The following NBAS variants were observed in gnomAD, a reference collection of about 807,000 sequenced individuals.
The protein encoded by NBAS is NAG/BC035112 fusion.
A neutral mutation model predicts 302.5 loss-of-function variants in NBAS; 219 were observed. The ratio of observed to expected loss-of-function variants is 0.72; its 90% confidence interval spans 0.65 to 0.81. The LOEUF (loss-of-function observed/expected upper bound fraction) is 0.81, where lower values mean the gene tolerates loss of function less well. Ranked by LOEUF, NBAS falls within the 30% of genes least tolerant of loss-of-function variation. The pLI, the probability that NBAS is intolerant of heterozygous loss-of-function variation, is 0.00. For missense variants in NBAS, 2,932 were observed against 2,841.6 expected, an observed-to-expected ratio of 1.03 and a Z score of -0.72; for synonymous variants, 1,118 against 1,021.6, an observed-to-expected ratio of 1.09 and a Z score of -1.80.
At chr2:15,477,184 T>G (rs149587285) in intron 13 of NBAS, among the ~76,000 whole-genome samples, 1 of 152,238 alleles carries the variant, frequency 6.6e-6, no homozygotes, top group Non-Finnish European at 1.5e-5. Context: ...TGGATGATTA[T>G]TTAAAGCGAA....
intron 44 of NBAS, among the ~76,000 whole-genome samples, chr2:15,260,856 A>G (rs998805277): frequency 2.0e-5 from 3 of 152,218 alleles, no homozygotes; most frequent in Non-Finnish European, 4.4e-5. Flanking sequence ...CTGAAAGCAA[A>G]CAAAAATGTC....
chr2:15,105,582 T>C, the NBAS span, among the ~76,000 whole-genome samples: 1 of 152,150 alleles, frequency 6.6e-6, no homozygotes, highest in African/African-American at 2.4e-5. Context: ...AAGTCATTGT[T>C]TGACATTGTG....
chr2:15,334,196 C>CT (rs11332266), intron 35 of NBAS, among the ~76,000 whole-genome samples: 24 of 147,274 alleles, frequency 1.6e-4, no homozygotes, highest in East Asian at 7.9e-4. Context: ...TTTTTCTTTT[C>CT]TTTTTTTTTT....
intron 42 of NBAS, among the ~76,000 whole-genome samples, chr2:15,282,225 CCTCT>C (rs1204437085): frequency 6.6e-6 from 1 of 151,932 alleles, no homozygotes; most frequent in Non-Finnish European, 1.5e-5. Context: ...TTAGATGCTC[CCTCT>C]CTCTCTATTA....
chr2:15,215,945 T>C (rs748627009), intron 48 of NBAS, among the ~76,000 whole-genome samples: 7 of 152,214 alleles, frequency 4.6e-5, no homozygotes, highest in Admixed American at 2.0e-4. Context: ...ATTTAAACTA[T>C]GGGCATAGTT....
chr2:15,427,581 T>C, intron 22 of NBAS, 130 bp downstream of exon 22: 2 of 762,338 alleles, frequency 2.6e-6, no homozygotes, highest in East Asian at 5.4e-5. Context: ...AGTTTAAAAC[T>C]TCACTCAAAC....
chr2:15,077,513 G>A, the NBAS span, among the ~76,000 whole-genome samples: 5,291 of 152,186 alleles, frequency 0.035, 316 homozygotes, highest in African/African-American at 0.12. Flanking sequence ...GCTTTCCATC[G>A]AAGAGATTAT....
At chr2:15,503,849 A>C (rs1661702206) in intron 11 of NBAS, among the ~76,000 whole-genome samples, 1 of 152,190 alleles carries the variant, frequency 6.6e-6, no homozygotes. Context: ...AAATTCAAAG[A>C]TATGTATATA....
At chr2:15,000,196 C>G in the NBAS span, among the ~76,000 whole-genome samples, 1 of 152,136 alleles carries the variant, frequency 6.6e-6, no homozygotes, top group Non-Finnish European at 1.5e-5. Flanking sequence ...TCTCACTGGG[C>G]TGGGATCAAA....
At chr2:15,232,375 C>A in intron 47 of NBAS, 47 bp downstream of exon 47, 2 of 1,560,060 alleles carry the variant, frequency 1.3e-6, no homozygotes, top group Admixed American at 1.7e-5. Context: ...TTCTAATACT[C>A]TGAGGAAAGC....
At chr2:15,183,041 A>C (rs13399626) in intron 50 of NBAS, among the ~76,000 whole-genome samples, 45,935 of 151,964 alleles carry the variant, frequency 0.3, 7,469 homozygotes, top group African/African-American at 0.43. Flanking sequence ...AAAGGTATTG[A>C]ATTTAGGAAA....
chr2:14,856,034 A>T, the NBAS span, among the ~76,000 whole-genome samples: 1 of 152,214 alleles, frequency 6.6e-6, no homozygotes, highest in African/African-American at 2.4e-5. Flanking sequence ...AGAAATGCTT[A>T]TATCACTTCA....
chr2:15,050,945 G>T, the NBAS span, among the ~76,000 whole-genome samples: 1 of 152,158 alleles, frequency 6.6e-6, no homozygotes, highest in East Asian at 1.9e-4. Context: ...TGACTGCCCA[G>T]CCCTGGTTTT....
the NBAS span, among the ~76,000 whole-genome samples, chr2:15,097,131 A>G: frequency 1.3e-5 from 2 of 152,064 alleles, no homozygotes; most frequent in Admixed American, 6.6e-5. Flanking sequence ...GAGCTGAGGT[A>G]TTTATGTAGC....
the NBAS span, among the ~76,000 whole-genome samples, chr2:14,909,391 A>C: frequency 6.9e-6 from 1 of 145,078 alleles, no homozygotes; most frequent in Non-Finnish European, 1.5e-5. Flanking sequence ...AAAAAAAAAG[A>C]TTTCCCACAT....
chr2:15,203,882 G>GCT (rs1666005591), intron 48 of NBAS, among the ~76,000 whole-genome samples: 12 of 124,930 alleles, frequency 9.6e-5, no homozygotes, highest in Middle Eastern at 4.2e-3. Context: ...GTGTGTGTGT[G>GCT]TGTGTGCTTG....
At chr2:14,992,712 T>C in the NBAS span, among the ~76,000 whole-genome samples, 3 of 152,180 alleles carry the variant, frequency 2.0e-5, no homozygotes, top group African/African-American at 7.2e-5. Flanking sequence ...GTGTCCTTCA[T>C]CCCTCATCCA....
At chr2:14,937,673 G>T in the NBAS span, among the ~76,000 whole-genome samples, 1 of 152,176 alleles carries the variant, frequency 6.6e-6, no homozygotes, top group East Asian at 1.9e-4. Flanking sequence ...GTGTCAGGAT[G>T]TTGCATTCCC....
At chr2:14,951,264 C>T in the NBAS span, among the ~76,000 whole-genome samples, 6 of 152,224 alleles carry the variant, frequency 3.9e-5, no homozygotes, top group East Asian at 1.9e-4. Context: ...GAGAGTGATC[C>T]AGAAACGGAA....
Sources: allele counts gnomAD v4.1 joint callset (sites outside exome capture counted in the v4.1 genomes callset), GRCh38; gene constraint gnomAD v4.1.1; transcripts MANE v1.5; gene names NCBI Gene and HGNC (gene_info 2026-07-23, HGNC 2026-07-21).